Variants in TMEM132D observed in about 807,000 individuals in gnomAD.
TMEM132D encodes the protein transmembrane protein 132D.
In TMEM132D, 21 loss-of-function variants were observed where a neutral mutation model predicts 62.3. The ratio of observed to expected loss-of-function variants is 0.34; its 90% CI spans 0.24 to 0.49. The LOEUF (loss-of-function observed/expected upper bound fraction) is 0.49. Ranked by LOEUF, TMEM132D falls within the 20% of genes least tolerant of loss-of-function variation. The probability of loss-of-function intolerance (pLI) is 0.99; values close to 1 mark genes in which losing one functional copy is unlikely to be tolerated. For synonymous variants in TMEM132D, 621 were observed against 575.6 expected (o/e 1.08, Z -1.13); for missense variants, 1,346 against 1,402.8 (o/e 0.96, Z 0.65).
intron 2 of TMEM132D, among the ~76,000 whole-genome samples, chr12:129,604,935 G>A (rs1055102406): frequency 1.3e-5 from 2 of 152,038 alleles, no homozygotes; most frequent in African/African-American, 4.8e-5. Context: ...TGAGAGAAGG[G>A]GCAGTGAACA....
intron 3 of TMEM132D, among the ~76,000 whole-genome samples, chr12:129,350,567 T>C: frequency 6.6e-6 from 1 of 152,222 alleles, no homozygotes; most frequent in Non-Finnish European, 1.5e-5. Flanking sequence ...TGGATTTGTA[T>C]TCTACTTTTG....
chr12:129,365,376 T>G (rs1171501032), intron 3 of TMEM132D, among the ~76,000 whole-genome samples: 2 of 152,130 alleles, frequency 1.3e-5, no homozygotes, highest in Non-Finnish European at 2.9e-5. Flanking sequence ...TCCCTAAGAT[T>G]AGGCACCAAA....
At chr12:129,180,541 A>T (rs1878036785) in intron 5 of TMEM132D, among the ~76,000 whole-genome samples, 2 of 152,242 alleles carry the variant, frequency 1.3e-5, no homozygotes, top group Non-Finnish European at 2.9e-5. Flanking sequence ...AGACAGACAC[A>T]GTCCTTGCTT....
At chr12:129,646,669 C>G (rs993213578) in intron 2 of TMEM132D, among the ~76,000 whole-genome samples, 1 of 152,052 alleles carries the variant, frequency 6.6e-6, no homozygotes, top group African/African-American at 2.4e-5. Flanking sequence ...ATTTATCATT[C>G]CTAGCTGTGT....
In TMEM132D at chr12:129,588,731, C is replaced by T. The variant is rs577521815; in HGVS notation, c.969-57526G>A. On this transcript the variant is annotated intron_variant, in intron 2 of 8. Transcript: ENST00000422113. ...CTGGGACTACAGGCACCTGCCACCA[C>T]GCCCAGCTATTTTTTTCTTTTTTTT... 3.8e-3 allele frequency among the ~76,000 whole-genome samples: 528 copies of T among 139,004 alleles called. 23 individuals carry two copies. The South Asian group carries it at 0.091, about 24-fold the overall frequency. The allele number at this position is 139,004 out of a possible 152,430, so 91.2% of individuals were successfully genotyped here.
At chr12:129,628,550 G>C (rs572234271) in intron 2 of TMEM132D, among the ~76,000 whole-genome samples, 1 of 152,282 alleles carries the variant, frequency 6.6e-6, no homozygotes, top group Middle Eastern at 3.4e-3. Flanking sequence ...ACTATGTGCT[G>C]GGAACTCTGC....
intron 5 of TMEM132D, among the ~76,000 whole-genome samples, chr12:129,164,355 G>A (rs1336523408): frequency 2.0e-5 from 3 of 152,186 alleles, no homozygotes; most frequent in Admixed American, 6.5e-5. Flanking sequence ...GTGATACCAC[G>A]ACCCACCCAC....
chr12:129,229,761 C>G (rs1241385415), intron 4 of TMEM132D, among the ~76,000 whole-genome samples: 9 of 152,090 alleles, frequency 5.9e-5, no homozygotes, highest in Non-Finnish European at 1.2e-4. Flanking sequence ...CTAGAGGCAC[C>G]GAAAGTGCTT....
At chr12:129,731,128 C>T (rs144962712) in intron 1 of TMEM132D, among the ~76,000 whole-genome samples, 1 of 152,136 alleles carries the variant, frequency 6.6e-6, no homozygotes, top group African/African-American at 2.4e-5. Flanking sequence ...TAGAGCTTTA[C>T]CATTCAGTCC....
chr12:129,790,112 G>A (rs925182818), intron 1 of TMEM132D, among the ~76,000 whole-genome samples: 6 of 152,136 alleles, frequency 3.9e-5, no homozygotes, highest in African/African-American at 1.2e-4. Flanking sequence ...GAGGGGGAGC[G>A]CAGGTGAGCA....
chr12:129,321,398 G>C (rs1468869032), intron 4 of TMEM132D, among the ~76,000 whole-genome samples: 1 of 152,136 alleles, frequency 6.6e-6, no homozygotes, highest in Non-Finnish European at 1.5e-5. Flanking sequence ...AGAAACATAG[G>C]TTTTTCGTCT....
intron 5 of TMEM132D, among the ~76,000 whole-genome samples, chr12:129,106,627 C>G (rs962660671): frequency 2.7e-4 from 41 of 152,078 alleles, no homozygotes; most frequent in Non-Finnish European, 2.9e-4. Context: ...TTGAGAATGA[C>G]CAGGCACAGA....
intron 3 of TMEM132D, among the ~76,000 whole-genome samples, chr12:129,475,549 G>T (rs1382327586): frequency 1.3e-5 from 2 of 152,242 alleles, no homozygotes; most frequent in African/African-American, 4.8e-5. Flanking sequence ...TCTTAAAGCA[G>T]TTGGATCCCA....
At chr12:129,545,087 T>C (rs1593060198) in intron 2 of TMEM132D, among the ~76,000 whole-genome samples, 1 of 152,224 alleles carries the variant, frequency 6.6e-6, no homozygotes, top group African/African-American at 2.4e-5. Context: ...TCACTGTGAT[T>C]GGGTCCAAAC....
At chr12:129,287,255 T>C (rs1428350170) in intron 4 of TMEM132D, among the ~76,000 whole-genome samples, 1 of 152,180 alleles carries the variant, frequency 6.6e-6, no homozygotes, top group Non-Finnish European at 1.5e-5. Flanking sequence ...ATACTGATAG[T>C]AATGCTCTAT....
At chr12:129,238,434 T>A (rs1027561690) in intron 4 of TMEM132D, among the ~76,000 whole-genome samples, 1 of 152,200 alleles carries the variant, frequency 6.6e-6, no homozygotes, top group African/African-American at 2.4e-5. Flanking sequence ...CTTTAGAACT[T>A]CATCTTGCAA....
intron 4 of TMEM132D, among the ~76,000 whole-genome samples, chr12:129,234,165 C>T (rs1266111151): frequency 1.3e-5 from 2 of 152,018 alleles, no homozygotes; most frequent in African/African-American, 4.8e-5. Flanking sequence ...AAATGTACTC[C>T]AACAGCTGCT....
chr12:129,524,010 T>C (rs1260674411), intron 3 of TMEM132D, among the ~76,000 whole-genome samples: 2 of 151,916 alleles, frequency 1.3e-5, no homozygotes, highest in African/African-American at 4.8e-5. Context: ...CTTGCATTTC[T>C]CAAACACTGG....
intron 2 of TMEM132D, among the ~76,000 whole-genome samples, chr12:129,614,393 G>A (rs1352977432): frequency 2.6e-5 from 4 of 152,154 alleles, no homozygotes; most frequent in Non-Finnish European, 4.4e-5. Flanking sequence ...CGGGAAGGTG[G>A]GTGAACTCTT....
Sources: gnomAD v4.1 joint callset for allele counts (sites outside exome capture counted in the v4.1 genomes callset) on GRCh38, gnomAD v4.1.1 for gene constraint, MANE v1.5 for transcripts, NCBI Gene and HGNC (gene_info 2026-07-23, HGNC 2026-07-21) for gene names.